Variants in ATP10B observed in about 807,000 individuals in gnomAD.
ATP10B encodes phospholipid-transporting ATPase VB.
In ATP10B, 122 loss-of-function variants were observed where a neutral mutation model predicts 141.2. The ratio of observed to expected loss-of-function variants is 0.86; its 90% CI spans 0.75 to 1.00. ATP10B has a LOEUF of 1.00. Ranked by LOEUF, ATP10B falls within the 50% of genes least tolerant of loss-of-function variation. The probability of loss-of-function intolerance (pLI) is 0.00; values close to 1 mark genes in which losing one functional copy is unlikely to be tolerated. For synonymous variants in ATP10B, 685 were observed against 692.0 expected (o/e 0.99, Z 0.16); for missense variants, 1,876 against 1,825.3 (o/e 1.03, Z -0.51).
At chr5:160,641,078 A>G (rs906301661) in intron 9 of ATP10B, among the ~76,000 whole-genome samples, 1 of 152,206 alleles carries the variant, frequency 6.6e-6, no homozygotes, top group African/African-American at 2.4e-5. Context: ...AGAAGGGATA[A>G]TTATCATTAT....
At chr5:160,887,590 ACAATCTTGCTCCATTACTTCTCTGACCT>A in the ATP10B span, among the ~76,000 whole-genome samples, 1 of 152,136 alleles carries the variant, frequency 6.6e-6, no homozygotes, top group South Asian at 2.1e-4. Flanking sequence ...AAAGTCTTAC[ACAATCTTGCTCCATTACTTCTCTGACCT>A]CAACCTTGCT....
intron 24 of ATP10B, among the ~76,000 whole-genome samples, chr5:160,571,052 T>C (rs1754844997): frequency 6.6e-6 from 1 of 152,192 alleles, no homozygotes; most frequent in Non-Finnish European, 1.5e-5. Flanking sequence ...ACAGAGTAAG[T>C]ATGAATTTCT....
At chr5:160,674,163 A>G (rs1334331146) in intron 6 of ATP10B, among the ~76,000 whole-genome samples, 1 of 152,066 alleles carries the variant, frequency 6.6e-6, no homozygotes, top group African/African-American at 2.4e-5. Flanking sequence ...CTGATCGCCA[A>G]CCCTCCCAGA....
chr5:160,572,963 A>T (rs1395417599), intron 24 of ATP10B, among the ~76,000 whole-genome samples: 1 of 151,754 alleles, frequency 6.6e-6, no homozygotes, highest in East Asian at 1.9e-4. Flanking sequence ...AGTGTGTATC[A>T]GTCTGACACG....
At position 160,675,604 on chromosome 5, in the gene ATP10B, C is replaced by T. The variant is rs76869556; in HGVS notation, c.471-4937G>A. Among the ~76,000 whole-genome samples, 625 of 152,268 alleles carry T rather than the reference C, an allele frequency of 4.1e-3. 1 individual carries two copies. The highest frequency in any genetic ancestry group is 0.015 in the African/African-American group (605 of 41,536). On this transcript the variant is annotated intron_variant, in intron 6 of 25. Transcript: ENST00000327245. ...TTAACTTGTGGAACTTCCCATTCCA[C>T]ACAGGATGATGAGCTGGCCTGGCTG...
chr5:160,880,136 ATAG>A, the ATP10B span, among the ~76,000 whole-genome samples: 3 of 147,828 alleles, frequency 2.0e-5, no homozygotes, highest in African/African-American at 7.3e-5. Context: ...AAATTATATA[ATAG>A]ATTACATAAT....
the ATP10B span, among the ~76,000 whole-genome samples, chr5:160,900,367 G>A: frequency 6.6e-6 from 1 of 152,134 alleles, no homozygotes; most frequent in Non-Finnish European, 1.5e-5. Flanking sequence ...ACCACCACAG[G>A]AAACGGTTTC....
chr5:160,855,150 CTTG>C (rs1045470720), upstream of ATP10B, among the ~76,000 whole-genome samples: 8 of 152,062 alleles, frequency 5.3e-5, no homozygotes, highest in African/African-American at 1.9e-4. Context: ...TTAATAAATG[CTTG>C]TTTAGTATTT....
At chr5:160,678,164 G>A (rs1269234147) in intron 6 of ATP10B, among the ~76,000 whole-genome samples, 2 of 152,246 alleles carry the variant, frequency 1.3e-5, no homozygotes, top group African/African-American at 2.4e-5. Context: ...AAATGAGAGC[G>A]CAAAGCATAG....
intron 24 of ATP10B, among the ~76,000 whole-genome samples, chr5:160,588,095 A>G (rs1188350218): frequency 6.6e-6 from 1 of 152,040 alleles, no homozygotes; most frequent in African/African-American, 2.4e-5. Context: ...TGATCTGCCC[A>G]CCTCAGCCTC....
rs1194257303 is a variant in ATP10B at position 160,761,441 on chromosome 5, G to A, written c.-331+24118C>T. Among the ~76,000 whole-genome samples the A allele has an allele frequency of 2.0e-5, 3 of 151,554 alleles. No individual in the cohort carries two copies. The East Asian group carries it at 5.8e-4, about 29-fold the overall frequency. ...ACCAGCCTACATTCCCCAGCACCAG[G>A]GCCCAGTAGCCTTGCTGGGTGGCTA... On this transcript the variant is annotated intron_variant, in intron 2 of 25. Transcript: ENST00000327245.
intron 14 of ATP10B, among the ~76,000 whole-genome samples, chr5:160,622,134 T>G (rs1033713543): frequency 1.3e-5 from 2 of 152,236 alleles, no homozygotes; most frequent in Non-Finnish European, 2.9e-5. Context: ...TAACTCTTAA[T>G]GTCTACCTGC....
intron 1 of ATP10B, among the ~76,000 whole-genome samples, chr5:160,848,567 TTAATG>T: frequency 6.6e-6 from 1 of 152,342 alleles, no homozygotes; most frequent in East Asian, 1.9e-4. Context: ...TTTTGATTAA[TTAATG>T]TAAACATTTA....
chr5:160,887,094 C>G, the ATP10B span, among the ~76,000 whole-genome samples: 1 of 152,106 alleles, frequency 6.6e-6, no homozygotes, highest in South Asian at 2.1e-4. Flanking sequence ...GAGCCAGGCA[C>G]GAATTTTCAA....
chr5:160,755,846 T>A (rs1217181330), intron 2 of ATP10B, among the ~76,000 whole-genome samples: 29 of 48,686 alleles, frequency 6.0e-4, no homozygotes, highest in South Asian at 2.0e-3. Context: ...AAAATATATA[T>A]ATATATATAT....
At chr5:160,675,878 A>AGGGGGGGGGGGGGGG (rs201534360) in intron 6 of ATP10B, among the ~76,000 whole-genome samples, 2 of 41,236 alleles carry the variant, frequency 4.9e-5, no homozygotes, top group African/African-American at 1.5e-4. Flanking sequence ...GGGGTGGGGG[A>AGGGGGGGGGGGGGGG]GGGGGGGCGA....
intron 1 of ATP10B, among the ~76,000 whole-genome samples, chr5:160,786,552 C>CG (rs1175451155): frequency 6.6e-6 from 1 of 152,112 alleles, no homozygotes; most frequent in African/African-American, 2.4e-5. Context: ...TCCTATTCAA[C>CG]GGCTCCCTCC....
intron 7 of ATP10B, among the ~76,000 whole-genome samples, chr5:160,654,266 G>A (rs1761317632): frequency 6.6e-6 from 1 of 151,736 alleles, no homozygotes; most frequent in African/African-American, 2.4e-5. Flanking sequence ...TGCCTGGCCA[G>A]GGTTCTTATT....
chr5:160,781,876 A>G (rs985985182), intron 2 of ATP10B, among the ~76,000 whole-genome samples: 16 of 152,126 alleles, frequency 1.1e-4, no homozygotes, highest in African/African-American at 3.9e-4. Flanking sequence ...TTAAAGATAA[A>G]CTCTTGACTG....
Sources: allele counts gnomAD v4.1 joint callset (sites outside exome capture counted in the v4.1 genomes callset), GRCh38; gene constraint gnomAD v4.1.1; transcripts MANE v1.5; gene names NCBI Gene and HGNC (gene_info 2026-07-23, HGNC 2026-07-21).